TGIF1: variants seen among roughly 807,000 people sequenced by gnomAD.
TGIF1 encodes homeobox protein TGIF1.
Under a neutral mutation model 19.3 loss-of-function variants are expected in TGIF1, and 4 were observed. The ratio of observed to expected loss-of-function variants is 0.21; its 90% CI spans 0.10 to 0.47. The LOEUF is 0.47. Among genes scored for constraint, TGIF1 ranks in the 20% least tolerant of loss-of-function variants. The pLI, the probability that TGIF1 is intolerant of heterozygous loss-of-function variation, is 0.98. For synonymous variants in TGIF1, 122 were observed against 129.3 expected, an observed-to-expected ratio of 0.94 and a Z score of 0.38; for missense variants, 275 against 341.4, an observed-to-expected ratio of 0.81 and a Z score of 1.53.
chr18:3,447,655 T>C, upstream of TGIF1: 5 of 1,514,030 alleles, frequency 3.3e-6, no homozygotes, highest in Non-Finnish European at 4.6e-6. Flanking sequence ...ACGGGAGCGG[T>C]TGGGCTGTAA....
rs1408588067 is a variant in TGIF1, at chr18:3,459,300, CTA to C, written c.*1362_*1363del. The C allele has an allele frequency of 1.3e-5, 2 of 152,088 alleles. No individual in the cohort carries two copies. Among genetic ancestry groups the C allele is most frequent in the African/African-American group, 4.8e-5 (2 of 41,410 alleles). 9.4% of individuals were successfully genotyped at this position (152,088 alleles called of 1,614,324 possible). A position where few individuals can be genotyped will look rare whatever the true frequency, so the allele number is the denominator to read the frequency against. On this transcript the variant is annotated 3_prime_UTR_variant, in exon 3 of 3. Transcript: ENST00000343820. ...AATACAAATTTGTCTAATTTTGAAA[CTA>C]TTTTAGAAAGTCCCTACTGTAGAAA... is the stretch of plus-strand genomic sequence containing the variant.
chr18:3,421,225 TATACTATATATATACATTTATATATA>T (rs2082393039), intron 2 of TGIF1, among the ~76,000 whole-genome samples: 1 of 149,356 alleles, frequency 6.7e-6, no homozygotes, highest in African/African-American at 2.4e-5. Context: ...ATGAGTTTAC[TATACTATATATATACATTTATATATA>T]GTATATAAAA....
chr18:3,452,530 G>C (rs2143350325), intron 1 of TGIF1: 1 of 1,244,926 alleles, frequency 8.0e-7, no homozygotes, highest in East Asian at 2.5e-5. Flanking sequence ...TGGGATTCAC[G>C]GCCTCATTTC....
chr18:3,448,641 A>AT (rs1298535061), upstream of TGIF1: 1 of 983,518 alleles, frequency 1.0e-6, no homozygotes, highest in Non-Finnish European at 1.2e-6. Context: ...CTGTTGATTC[A>AT]TTTTAGTCCT....
chr18:3,449,538 T>TTGCCCCCCC, upstream of TGIF1: 211 of 961,752 alleles, frequency 2.2e-4, no homozygotes, highest in South Asian at 3.4e-4. Flanking sequence ...GTCTCATCAT[T>TTGCCCCCCC]CCCCCCCGCC....
chr18:3,449,538 T>TGGGCCCCC, upstream of TGIF1: 2 of 961,944 alleles, frequency 2.1e-6, no homozygotes, highest in Non-Finnish European at 2.5e-6. Flanking sequence ...GTCTCATCAT[T>TGGGCCCCC]CCCCCCCGCC....
At chr18:3,423,271 G>C (rs1222205321) in intron 2 of TGIF1, among the ~76,000 whole-genome samples, 1 of 152,148 alleles carries the variant, frequency 6.6e-6, no homozygotes, top group Admixed American at 6.6e-5. Context: ...GCATGGCTGG[G>C]CGTGGTGGCT....
Position 3,458,122 on chromosome 18 carries a change from T to C in TGIF1, c.*182T>C, listed in dbSNP as rs2143428313. The C allele has an allele frequency of 1.7e-6, 1 of 602,200 alleles. No homozygotes were observed. The highest frequency in any genetic ancestry group is 3.1e-5 in the Admixed American group (1 of 32,486). The allele number at this position is 602,200 out of a possible 1,614,324, so 37.3% of individuals were successfully genotyped here. A position where few individuals can be genotyped will look rare whatever the true frequency, so the allele number is the denominator to read the frequency against. ...ATTCCAAGAACTATAAACTTAAAGC[T>C]ACTGTAGAAACAAAGGGTTTTCTTT... On this transcript the variant is annotated 3_prime_UTR_variant, in exon 3 of 3. Coordinates refer to ENST00000343820, the MANE Select transcript of TGIF1 (RefSeq NM_003244.4).
At chr18:3,413,992 G>A (rs527699064) in intron 1 of TGIF1, among the ~76,000 whole-genome samples, 2 of 152,186 alleles carry the variant, frequency 1.3e-5, no homozygotes, top group Admixed American at 6.5e-5. Context: ...TTATCCTAAT[G>A]TGTAGATGAA....
intron 2 of TGIF1, among the ~76,000 whole-genome samples, chr18:3,431,945 C>A (rs2082552338): frequency 6.6e-6 from 1 of 151,898 alleles, no homozygotes; most frequent in Non-Finnish European, 1.5e-5. Context: ...CCTGGCCAAC[C>A]TGGTGAAACC....
chr18:3,447,618 C>G (rs1257191048), upstream of TGIF1: 12 of 1,106,318 alleles, frequency 1.1e-5, no homozygotes, highest in Admixed American at 1.9e-4. Flanking sequence ...TCAGCGTTGG[C>G]TGGGGGGAGG....
chr18:3,424,269 G>A (rs1265448298), intron 2 of TGIF1, among the ~76,000 whole-genome samples: 7 of 151,990 alleles, frequency 4.6e-5, no homozygotes, highest in South Asian at 4.1e-4. Context: ...TGTCAGATGG[G>A]TAATGTGCCA....
intron 2 of TGIF1, among the ~76,000 whole-genome samples, chr18:3,426,095 C>T (rs764797127): frequency 1.3e-5 from 2 of 151,740 alleles, no homozygotes; most frequent in Non-Finnish European, 2.9e-5. Flanking sequence ...GTGAGCAGTC[C>T]CCCAACTTCG....
At chr18:3,433,971 A>G (rs978525270) in intron 2 of TGIF1, among the ~76,000 whole-genome samples, 3 of 152,260 alleles carry the variant, frequency 2.0e-5, no homozygotes, top group African/African-American at 4.8e-5. Context: ...CAATATCAGC[A>G]TGTCTTCCCC....
intron 2 of TGIF1, among the ~76,000 whole-genome samples, chr18:3,443,552 G>A (rs1429265785): frequency 2.0e-5 from 3 of 152,110 alleles, no homozygotes; most frequent in African/African-American, 7.2e-5. Context: ...ACGAAGCCCA[G>A]CCAATATAAT....
chr18:3,440,333 C>A (rs2143233268), intron 2 of TGIF1, among the ~76,000 whole-genome samples: 1 of 148,308 alleles, frequency 6.7e-6, no homozygotes, highest in South Asian at 2.1e-4. Context: ...ACCTGGGTGA[C>A]AGAGCAAGAC....
chr18:3,437,948 G>T (rs2082634675), intron 2 of TGIF1, among the ~76,000 whole-genome samples: 1 of 152,114 alleles, frequency 6.6e-6, no homozygotes, highest in African/African-American at 2.4e-5. Flanking sequence ...GCCAGGTGTG[G>T]TGGTGCACGC....
At chr18:3,436,527 C>T (rs1598874891) in intron 2 of TGIF1, among the ~76,000 whole-genome samples, 1 of 152,260 alleles carries the variant, frequency 6.6e-6, no homozygotes, top group South Asian at 2.1e-4. Context: ...ATAAAAGAAG[C>T]CCTGAATGTA....
upstream of TGIF1, chr18:3,447,814 G>GT: frequency 6.2e-7 from 1 of 1,614,056 alleles, no homozygotes; most frequent in Non-Finnish European, 8.5e-7. Context: ...TCACATCTCC[G>GT]TTTTTTCCTC....
Sources: allele counts gnomAD v4.1 joint callset (sites outside exome capture counted in the v4.1 genomes callset), GRCh38; gene constraint gnomAD v4.1.1; transcripts MANE v1.5; gene names NCBI Gene and HGNC (gene_info 2026-07-23, HGNC 2026-07-21).